GAS2: variants seen among roughly 807,000 people sequenced by gnomAD.
The protein encoded by GAS2 is growth arrest specific 2.
In GAS2, 20 loss-of-function variants were observed where a neutral mutation model predicts 37.5. That is an observed-to-expected ratio of 0.53 (90% CI 0.37 to 0.77). GAS2 has a LOEUF of 0.77. Among genes scored for constraint, GAS2 ranks in the 30% least tolerant of loss-of-function variants. GAS2 has a pLI of 0.00. For synonymous variants in GAS2, 144 were observed against 132.2 expected, an observed-to-expected ratio of 1.09 and a Z score of -0.61; for missense variants, 336 against 373.4, an observed-to-expected ratio of 0.90 and a Z score of 0.82.
At chr11:22,717,426 G>A (rs1244161750) in intron 3 of GAS2, among the ~76,000 whole-genome samples, 1 of 152,018 alleles carries the variant, frequency 6.6e-6, no homozygotes, top group East Asian at 1.9e-4. Context: ...AATAGTGCTG[G>A]GAAGACTGGC....
intron 1 of GAS2, among the ~76,000 whole-genome samples, chr11:22,670,633 G>A (rs76622366): frequency 0.069 from 10,548 of 151,948 alleles, 624 homozygotes; most frequent in African/African-American, 0.16. Flanking sequence ...AAAACATATC[G>A]AATATTAAAT....
chr11:22,692,772 G>C (rs1016070092), intron 3 of GAS2, among the ~76,000 whole-genome samples: 1 of 152,132 alleles, frequency 6.6e-6, no homozygotes, highest in Non-Finnish European at 1.5e-5. Context: ...TGGTAAAGTA[G>C]TGCTGGGCAC....
chr11:22,751,689 G>T (rs972033563), intron 6 of GAS2, among the ~76,000 whole-genome samples: 3 of 151,966 alleles, frequency 2.0e-5, no homozygotes, highest in African/African-American at 7.2e-5. Flanking sequence ...AAGTAGCTAG[G>T]ATGATTTTCT....
At chr11:22,797,023 G>T (rs1283202055) in intron 7 of GAS2, among the ~76,000 whole-genome samples, 1 of 152,010 alleles carries the variant, frequency 6.6e-6, no homozygotes, top group African/African-American at 2.4e-5. Context: ...CTTTCACTAT[G>T]CTGACTGTTC....
intron 3 of GAS2, among the ~76,000 whole-genome samples, chr11:22,701,683 G>A (rs979883834): frequency 2.6e-5 from 4 of 152,078 alleles, no homozygotes; most frequent in African/African-American, 4.8e-5. Context: ...ACAAAAATTA[G>A]CCGGGTGTGG....
At chr11:22,633,018 G>A (rs1468032188) in intron 1 of GAS2, among the ~76,000 whole-genome samples, 2 of 151,418 alleles carry the variant, frequency 1.3e-5, no homozygotes, top group African/African-American at 4.9e-5. Context: ...ATTTCCTTGA[G>A]GAACTTAATA....
At chr11:22,666,484 G>A (rs976438731), upstream of GAS2, 1 of 152,240 alleles carries the variant, frequency 6.6e-6, no homozygotes, top group African/African-American at 2.4e-5. Context: ...GTTAGTGTCT[G>A]GGGGACAAGG....
At chr11:22,773,917 A>C (rs979212652) in intron 7 of GAS2, among the ~76,000 whole-genome samples, 6 of 152,202 alleles carry the variant, frequency 3.9e-5, no homozygotes, top group Non-Finnish European at 8.8e-5. Flanking sequence ...CGATATATGT[A>C]ATGTGCTTCC....
At chr11:22,702,442 T>G (rs1041922949) in intron 3 of GAS2, 2 of 152,174 alleles carry the variant, frequency 1.3e-5, no homozygotes, top group African/African-American at 4.8e-5. Context: ...TTTAAAAATC[T>G]TTGGACAAGA....
intron 7 of GAS2, among the ~76,000 whole-genome samples, chr11:22,782,837 C>T (rs1590125550): frequency 1.4e-5 from 2 of 148,028 alleles, no homozygotes; most frequent in South Asian, 2.1e-4. Context: ...TTTCTTTATC[C>T]AATCTACAAC....
chr11:22,798,834 T>C (rs1026377297), intron 7 of GAS2, among the ~76,000 whole-genome samples: 1 of 152,078 alleles, frequency 6.6e-6, no homozygotes, highest in African/African-American at 2.4e-5. Flanking sequence ...ATGGAACACC[T>C]GCTGTCTCAC....
intron 7 of GAS2, among the ~76,000 whole-genome samples, chr11:22,772,771 G>T (rs1414634890): frequency 1.3e-5 from 2 of 152,082 alleles, no homozygotes; most frequent in Non-Finnish European, 2.9e-5. Context: ...TTTGGCAGTG[G>T]TATCCCCATT....
At chr11:22,699,293 T>G (rs934072856) in intron 3 of GAS2, among the ~76,000 whole-genome samples, 1 of 152,180 alleles carries the variant, frequency 6.6e-6, no homozygotes, top group Non-Finnish European at 1.5e-5. Context: ...ACTGTACCCC[T>G]TCCTTCAAAT....
At chr11:22,795,315 C>T (rs1856372988) in intron 7 of GAS2, among the ~76,000 whole-genome samples, 1 of 152,046 alleles carries the variant, frequency 6.6e-6, no homozygotes, top group South Asian at 2.1e-4. Context: ...TTAGACTGTA[C>T]CAGAAAACCT....
chr11:22,657,430 C>T (rs1385896287), intron 1 of GAS2, among the ~76,000 whole-genome samples: 1 of 151,972 alleles, frequency 6.6e-6, no homozygotes, highest in East Asian at 1.9e-4. Context: ...AATGTTTGGC[C>T]CCAGAGGAGA....
In GAS2 at chr11:22,811,906, GA is replaced by G; in HGVS notation, c.833del (p.Asp278ValfsTer14). On this transcript the variant is annotated frameshift_variant, in exon 8 of 8. Transcript: ENST00000454584. LOFTEE classifies it high-confidence loss of function. ...CCGAATGCTGCAGATCTCCCGTGTG[GA>G]TGGCAAAACATCCCCTATCCAAAGC... is the stretch of plus-strand genomic sequence containing the variant. ...PCRMLQISRV[D>X]GKTSPIQSKS... 1 of 1,614,114 alleles carries G rather than the reference GA, an allele frequency of 6.2e-7. No homozygotes were observed. Among genetic ancestry groups the G allele is most frequent in the Non-Finnish European group, 8.5e-7 (1 of 1,180,016 alleles).
chr11:22,784,154 G>C (rs892756809), intron 7 of GAS2, among the ~76,000 whole-genome samples: 1 of 152,060 alleles, frequency 6.6e-6, no homozygotes, highest in Admixed American at 6.6e-5. Context: ...ATGAATTTCA[G>C]CTTTTTCTAT....
chr11:22,645,416 A>G (rs1848677256), intron 1 of GAS2, among the ~76,000 whole-genome samples: 1 of 152,134 alleles, frequency 6.6e-6, no homozygotes, highest in African/African-American at 2.4e-5. Context: ...CTGAGGCACT[A>G]GAATCGCTTG....
intron 1 of GAS2, among the ~76,000 whole-genome samples, chr11:22,642,779 A>G (rs1848644803): frequency 6.6e-6 from 1 of 152,204 alleles, no homozygotes; most frequent in Non-Finnish European, 1.5e-5. Context: ...TGTTCTGGCT[A>G]AATTATCAGT....
Sources: allele counts gnomAD v4.1 joint callset (sites outside exome capture counted in the v4.1 genomes callset), GRCh38; gene constraint gnomAD v4.1.1; transcripts MANE v1.5; gene names NCBI Gene and HGNC (gene_info 2026-07-23, HGNC 2026-07-21).